LAPTM4A: variants seen among roughly 807,000 people sequenced by gnomAD.
LAPTM4A encodes lysosomal protein transmembrane 4 alpha.
A neutral mutation model predicts 29.9 loss-of-function variants in LAPTM4A; 19 were observed. The observed-to-expected ratio is 0.64, with a 90% CI of 0.44 to 0.93. The LOEUF (loss-of-function observed/expected upper bound fraction) is 0.93, where lower values mean the gene tolerates loss of function less well. LAPTM4A is among the 40% of genes least tolerant of loss of function. The probability of loss-of-function intolerance (pLI) is 0.00; values close to 1 mark genes in which losing one functional copy is unlikely to be tolerated. For missense variants in LAPTM4A, 293 were observed against 288.5 expected (o/e 1.02, Z -0.11); for synonymous variants, 105 against 102.1 (o/e 1.03, Z -0.17).
At chr2:20,043,282 T>C (rs1017125682) in intron 1 of LAPTM4A, among the ~76,000 whole-genome samples, 7 of 148,744 alleles carry the variant, frequency 4.7e-5, no homozygotes, top group African/African-American at 1.7e-4. Context: ...TGGCACGATC[T>C]CGGCTTACTG....
intron 1 of LAPTM4A, among the ~76,000 whole-genome samples, chr2:20,045,025 C>T (rs1422043937): frequency 3.3e-5 from 5 of 152,156 alleles, no homozygotes; most frequent in East Asian, 1.9e-4. Context: ...ATGACAGGCA[C>T]GAGCCACCGC....
intron 4 of LAPTM4A, 156 bp from the exon 5 acceptor site, chr2:20,035,218 T>TAAA: frequency 1.6e-6 from 1 of 620,938 alleles, no homozygotes. Flanking sequence ...CTTTTAAATT[T>TAAA]TAAGCCTTAT....
chr2:20,038,801 GA>G (rs1023276380), intron 2 of LAPTM4A, among the ~76,000 whole-genome samples: 16 of 152,048 alleles, frequency 1.1e-4, no homozygotes, highest in African/African-American at 3.9e-4. Flanking sequence ...AATATAGCAA[GA>G]CCCTGTATGC....
At chr2:20,042,486 C>T (rs78994854) in intron 1 of LAPTM4A, among the ~76,000 whole-genome samples, 2,033 of 152,338 alleles carry the variant, frequency 0.013, 46 homozygotes, top group African/African-American at 0.047. Context: ...TTTACTGTCT[C>T]AACTTCCTGA....
At chr2:20,033,758 TGGA>T (rs1673625705) in intron 6 of LAPTM4A, among the ~76,000 whole-genome samples, 1 of 152,142 alleles carries the variant, frequency 6.6e-6, no homozygotes, top group African/African-American at 2.4e-5. Flanking sequence ...ACCTATGCAG[TGGA>T]GGAGTGACAT....
chr2:20,042,555 G>A (rs1468443340), intron 1 of LAPTM4A, among the ~76,000 whole-genome samples: 1 of 152,228 alleles, frequency 6.6e-6, no homozygotes, highest in Non-Finnish European at 1.5e-5. Flanking sequence ...AGAGAACAGA[G>A]GTGAGGACAA....
intron 5 of LAPTM4A, among the ~76,000 whole-genome samples, chr2:20,034,727 C>T (rs1440175930): frequency 6.6e-6 from 1 of 152,192 alleles, no homozygotes; most frequent in Non-Finnish European, 1.5e-5. Flanking sequence ...ATCATGAACC[C>T]CTTTTCAAAA....
chr2:20,045,093 A>G (rs1047583022), intron 1 of LAPTM4A, among the ~76,000 whole-genome samples: 1 of 152,210 alleles, frequency 6.6e-6, no homozygotes, highest in African/African-American at 2.4e-5. Context: ...TTGTGCTCAC[A>G]TGTAAGCCCT....
At chr2:20,037,268 TTTACTC>T (rs777921726) in intron 4 of LAPTM4A, 42 bp downstream of exon 4, 1 of 1,459,888 alleles carries the variant, frequency 6.8e-7, no homozygotes, top group South Asian at 1.3e-5. Flanking sequence ...ATGTAAACAT[TTTACTC>T]AAAATGAAAA....
At chr2:20,040,863 T>C in intron 2 of LAPTM4A, 28 bp downstream of exon 2, 1 of 1,601,718 alleles carries the variant, frequency 6.2e-7, no homozygotes. Flanking sequence ...GCAGGGGAGA[T>C]TTTTTTGTTT....
chr2:20,047,947 G>C (rs1000738849), intron 1 of LAPTM4A, among the ~76,000 whole-genome samples: 1 of 152,202 alleles, frequency 6.6e-6, no homozygotes, highest in Non-Finnish European at 1.5e-5. Flanking sequence ...AACTTCCTTA[G>C]TTTAAGGAAG....
In LAPTM4A at chr2:20,033,281, T is replaced by C. The variant is rs868513918; in HGVS notation, c.628-2A>G. The C allele has an allele frequency of 1.9e-6, 3 of 1,611,650 alleles. No homozygotes were observed. In the South Asian group the frequency reaches 3.3e-5, roughly 18 times the overall value. ...CATTTCATAGGTTGGCAAAACGTACTAAAGAGAGAAAAAAAATTGTATCAG... is the reference window on the plus strand; with the variant it reads ...CATTTCATAGGTTGGCAAAACGTACCAAAGAGAGAAAAAAAATTGTATCAG... On this transcript the variant is annotated splice_acceptor_variant, in intron 6 of 6. Transcript: ENST00000175091. LOFTEE classifies it high-confidence loss of function.
At chr2:20,035,839 T>G (rs1277896761) in intron 4 of LAPTM4A, among the ~76,000 whole-genome samples, 1 of 152,164 alleles carries the variant, frequency 6.6e-6, no homozygotes, top group Non-Finnish European at 1.5e-5. Context: ...GATTTAATTT[T>G]TTTAAGTTAT....
chr2:20,042,587 C>T (rs544435441), intron 1 of LAPTM4A, among the ~76,000 whole-genome samples: 7 of 152,328 alleles, frequency 4.6e-5, no homozygotes, highest in Non-Finnish European at 1.0e-4. Context: ...GCTGCCCCTT[C>T]CCATTAACTA....
chr2:20,033,153 C>T lies in LAPTM4A; in HGVS notation c.*52G>A. ...AGCCCTGAATTGCAGCATTCTGTAA[C>T]ATAAACAAACAAAAAGCTGGTATAG... On this transcript the variant is annotated 3_prime_UTR_variant, in exon 7 of 7. Coordinates refer to ENST00000175091, the MANE Select transcript of LAPTM4A (RefSeq NM_014713.5). The T allele has an allele frequency of 7.0e-7, 1 of 1,421,970 alleles. No homozygotes were observed. 88.1% of individuals were successfully genotyped at this position (1,421,970 alleles called of 1,614,324 possible). A position where few individuals can be genotyped will look rare whatever the true frequency, so the allele number is the denominator to read the frequency against.
chr2:20,044,457 C>G lies in LAPTM4A; in HGVS notation c.112-3446G>C, dbSNP rs111344783. 4.6e-4 allele frequency among the ~76,000 whole-genome samples: 70 copies of G among 152,258 alleles called. 1 individual carries two copies. The highest frequency in any genetic ancestry group is 1.7e-3 in the African/African-American group (69 of 41,534). Reference sequence around the variant, plus strand: ...AAAACATTTAGGAGTTCTATTTTCCCTTCTTAAATATTTTTATTACATGAA... The same window carrying G: ...AAAACATTTAGGAGTTCTATTTTCCGTTCTTAAATATTTTTATTACATGAA... On this transcript the variant is annotated intron_variant, in intron 1 of 6. Coordinates refer to ENST00000175091, the MANE Select transcript of LAPTM4A (RefSeq NM_014713.5).
rs111460754 is a variant in LAPTM4A, at chr2:20,034,962, C to T, written c.528+5G>A. 8.3e-3 allele frequency: 13,320 copies of T among 1,602,326 alleles called. 198 individuals are homozygous for T. The highest frequency in any genetic ancestry group is 0.032 in the Middle Eastern group (196 of 6,048). On this transcript the variant is annotated splice_donor_5th_base_variant and intron_variant, in intron 5 of 6. Transcript: ENST00000175091. ...TCACCCCTAAAGATTTAGTCAGCAA[C>T]GTACCTTAAAAATGATGAATAAGGC...
intron 5 of LAPTM4A, 21 bp from the exon 6 acceptor site, chr2:20,034,436 T>C (rs373421159): frequency 1.7e-4 from 251 of 1,514,400 alleles, no homozygotes; most frequent in Non-Finnish European, 2.2e-4. Context: ...AAAAACAAAG[T>C]TGACATCTGC....
chr2:20,039,824 C>T (rs142805822), intron 2 of LAPTM4A, among the ~76,000 whole-genome samples: 4 of 152,112 alleles, frequency 2.6e-5, no homozygotes, highest in African/African-American at 4.8e-5. Context: ...GAGGCTGAGG[C>T]GGGTGGATCA....
Sources: gnomAD v4.1 joint callset for allele counts (sites outside exome capture counted in the v4.1 genomes callset) on GRCh38, gnomAD v4.1.1 for gene constraint, MANE v1.5 for transcripts, NCBI Gene and HGNC (gene_info 2026-07-23, HGNC 2026-07-21) for gene names.